The following EARS2 variants were observed in gnomAD, a reference collection of about 807,000 sequenced individuals.
The protein encoded by EARS2 is glutamyl-tRNA synthetase 2, mitochondrial.
In EARS2, 50 loss-of-function variants were observed where a neutral mutation model predicts 54.1. The observed-to-expected ratio is 0.92, with a 90% CI of 0.74 to 1.17. The LOEUF is 1.17. Among genes scored for constraint, EARS2 ranks in the 50% most tolerant of loss-of-function variants. EARS2 has a pLI of 0.00. For missense variants in EARS2, 673 were observed against 675.0 expected (o/e 1.00, Z 0.03); for synonymous variants, 298 against 281.0 (o/e 1.06, Z -0.61).
chr16:23,525,018 G>A (rs1223080072), intron 8 of EARS2: 6 of 620,184 alleles, frequency 9.7e-6, no homozygotes, highest in South Asian at 2.0e-5. Context: ...TGGAGGCAGA[G>A]ATTATGTATG....
intron 1 of EARS2, chr16:23,552,958 G>A: frequency 3.3e-6 from 1 of 300,376 alleles, no homozygotes; most frequent in Non-Finnish European, 6.8e-6. Flanking sequence ...AACATGGTGA[G>A]ACCTTGTCTT....
intron 4 of EARS2, among the ~76,000 whole-genome samples, chr16:23,533,793 C>A (rs1039346678): frequency 2.0e-5 from 3 of 152,090 alleles, no homozygotes; most frequent in Non-Finnish European, 4.4e-5. Flanking sequence ...CGGTGGCTCA[C>A]GCCTGTAATC....
chr16:23,549,583 C>G (rs1965660278), intron 2 of EARS2, among the ~76,000 whole-genome samples: 1 of 152,198 alleles, frequency 6.6e-6, no homozygotes, highest in Non-Finnish European at 1.5e-5. Flanking sequence ...CCCACCTCAG[C>G]CTCCCAAGTA....
chr16:23,551,016 G>A (rs1351086372), intron 2 of EARS2, among the ~76,000 whole-genome samples: 5 of 152,154 alleles, frequency 3.3e-5, no homozygotes, highest in Non-Finnish European at 7.3e-5. Flanking sequence ...AACTTCAGAA[G>A]CTGTACGTGT....
intron 7 of EARS2, among the ~76,000 whole-genome samples, chr16:23,529,058 C>T (rs150106019): frequency 3.3e-5 from 5 of 152,326 alleles, no homozygotes; most frequent in African/African-American, 1.2e-4. Context: ...AGCAGCCCTT[C>T]TTCTAGCATC....
At chr16:23,529,666 G>A (rs756236505) in intron 6 of EARS2, 34 bp from the exon 7 acceptor site, 39 of 1,613,398 alleles carry the variant, frequency 2.4e-5, no homozygotes, top group African/African-American at 1.3e-4. Flanking sequence ...ATGCACTAGG[G>A]ACAGGGCTCT....
At chr16:23,544,380 G>A in intron 3 of EARS2, 134 bp downstream of exon 3, 2 of 874,546 alleles carry the variant, frequency 2.3e-6, no homozygotes, top group Non-Finnish European at 1.7e-6. Context: ...CAAAGAAACA[G>A]GTGAGGCCAC....
intron 2 of EARS2, among the ~76,000 whole-genome samples, chr16:23,545,908 C>T (rs1965596130): frequency 6.6e-6 from 1 of 152,082 alleles, no homozygotes; most frequent in South Asian, 2.1e-4. Flanking sequence ...CTACAGTCTC[C>T]AATTTCTAGG....
rs1965288062 is a variant in EARS2, at chr16:23,529,577, GT to G, written c.1276del (p.Thr426LeufsTer5). ...CTGTGCTCGACCTACTGCAGGGCGA[GT>G]CCACAGGTAAGAGTATACTGGGGAC... ...LVSPVYSYLW[T>X]RPAVGRAQLD... On this transcript the variant is annotated frameshift_variant, in exon 7 of 9. Transcript: ENST00000449606. LOFTEE classifies it high-confidence loss of function. 1 of 1,614,082 alleles carries G rather than the reference GT, an allele frequency of 6.2e-7. No individual in the cohort carries two copies. The highest frequency in any genetic ancestry group is 1.3e-5 in the African/African-American group (1 of 74,934).
At chr16:23,545,594 C>A (rs886353435) in intron 2 of EARS2, among the ~76,000 whole-genome samples, 3 of 152,166 alleles carry the variant, frequency 2.0e-5, no homozygotes, top group Non-Finnish European at 2.9e-5. Context: ...GCACGATCAG[C>A]TTCAAACCCA....
intron 1 of EARS2, among the ~76,000 whole-genome samples, chr16:23,553,527 C>T (rs1290590329): frequency 6.6e-6 from 1 of 151,998 alleles, no homozygotes; most frequent in East Asian, 1.9e-4. Flanking sequence ...GAGGCAGAGG[C>T]ACGAGGATCA....
At chr16:23,539,807 C>T (rs1158471451) in intron 3 of EARS2, among the ~76,000 whole-genome samples, 3 of 151,778 alleles carry the variant, frequency 2.0e-5, no homozygotes, top group Non-Finnish European at 4.4e-5. Context: ...GAGTTTCATA[C>T]CAGCCTGGGC....
intron 1 of EARS2, among the ~76,000 whole-genome samples, chr16:23,555,654 C>A (rs937906157): frequency 2.0e-5 from 3 of 152,208 alleles, no homozygotes; most frequent in Non-Finnish European, 4.4e-5. Flanking sequence ...TGTCAGTTCA[C>A]AATCAAGTAC....
At position 23,521,616 on chromosome 16, in the gene EARS2, C is replaced by A. The variant is rs1965143283; in HGVS notation, c.*2755G>T. ...ATCTCACTATGTTGCCCAGGCTGGT[C>A]TCCAAACTCCTGGCCTTTGACAAGC... On this transcript the variant is annotated 3_prime_UTR_variant, in exon 9 of 9. Transcript: ENST00000449606. Among the ~76,000 whole-genome samples, 1 of 152,136 alleles carries A rather than the reference C, an allele frequency of 6.6e-6. No homozygotes were observed. The highest frequency in any genetic ancestry group is 2.4e-5 in the African/African-American group (1 of 41,432).
At chr16:23,538,093 T>C (rs1965453396) in intron 3 of EARS2, among the ~76,000 whole-genome samples, 1 of 66,824 alleles carries the variant, frequency 1.5e-5, no homozygotes. Context: ...GGAACAGATA[T>C]TCTAATCGAT....
chr16:23,556,251 CCAACAGGCTATA>C (rs1377608687), intron 1 of EARS2, among the ~76,000 whole-genome samples: 1 of 152,088 alleles, frequency 6.6e-6, no homozygotes, highest in Non-Finnish European at 1.5e-5. Flanking sequence ...GACGAGATCT[CCAACAGGCTATA>C]CAATGGGCCT....
At chr16:23,556,917 G>A (rs1004777389) in intron 1 of EARS2, 14 of 640,004 alleles carry the variant, frequency 2.2e-5, no homozygotes, top group African/African-American at 3.6e-5. Context: ...GTATCCCAGC[G>A]TCTACAACAC....
intron 7 of EARS2, among the ~76,000 whole-genome samples, chr16:23,528,895 G>T (rs1965274589): frequency 1.3e-5 from 2 of 152,180 alleles, no homozygotes; most frequent in East Asian, 1.9e-4. Flanking sequence ...CATTTCTTTT[G>T]TCTGGTAGAG....
At chr16:23,536,631 T>C (rs187558036) in intron 3 of EARS2, among the ~76,000 whole-genome samples, 75 of 150,816 alleles carry the variant, frequency 5.0e-4, no homozygotes, top group South Asian at 8.5e-4. Flanking sequence ...CACTGCACTC[T>C]AGCCTGGGTG....
Sources: gnomAD v4.1 joint callset for allele counts (sites outside exome capture counted in the v4.1 genomes callset) on GRCh38, gnomAD v4.1.1 for gene constraint, MANE v1.5 for transcripts, NCBI Gene and HGNC (gene_info 2026-07-23, HGNC 2026-07-21) for gene names.